PCDH15: variants seen among roughly 807,000 people sequenced by gnomAD.
PCDH15 encodes protocadherin related 15.
PCDH15 carries 129 observed loss-of-function variants against 178.5 expected under a neutral mutation model. That is an observed-to-expected ratio of 0.72 (90% CI 0.63 to 0.84). The LOEUF is 0.84. Among genes scored for constraint, PCDH15 ranks in the 40% least tolerant of loss-of-function variants. PCDH15 has a pLI of 0.00. For synonymous variants in PCDH15, 800 were observed against 732.0 expected, an observed-to-expected ratio of 1.09 and a Z score of -1.50; for missense variants, 2,230 against 2,099.9, an observed-to-expected ratio of 1.06 and a Z score of -1.21.
chr10:54,528,898 C>A (rs1003990188), intron 2 of PCDH15, among the ~76,000 whole-genome samples: 4 of 151,904 alleles, frequency 2.6e-5, no homozygotes, highest in African/African-American at 9.7e-5. Flanking sequence ...ACTTTGCCTG[C>A]AGGATGTCAA....
chr10:55,008,253 A>G (rs916522016), intron 2 of PCDH15, among the ~76,000 whole-genome samples: 19 of 42,084 alleles, frequency 4.5e-4, no homozygotes, highest in African/African-American at 1.1e-3. Flanking sequence ...TAAATCTTTG[A>G]AAAAAAAAAC....
At chr10:54,362,761 G>A (rs929351378) in intron 5 of PCDH15, among the ~76,000 whole-genome samples, 2 of 150,712 alleles carry the variant, frequency 1.3e-5, no homozygotes, top group African/African-American at 4.9e-5. Flanking sequence ...TGAAAAGTAG[G>A]GTAAAAAAAT....
intron 1 of PCDH15, among the ~76,000 whole-genome samples, chr10:54,703,302 C>T (rs2095331696): frequency 6.6e-6 from 1 of 152,000 alleles, no homozygotes; most frequent in African/African-American, 2.4e-5. Context: ...GAAGTGTCCC[C>T]TGCTGAGAAC....
intron 23 of PCDH15, among the ~76,000 whole-genome samples, chr10:53,942,740 G>GACCGTAGCCCTGGATGAC (rs2086180906): frequency 6.6e-6 from 1 of 152,056 alleles, no homozygotes; most frequent in African/African-American, 2.4e-5. Flanking sequence ...CCTCAGATGA[G>GACCGTAGCCCTGGATGAC]ACCGTAGCCC....
chr10:55,147,822 C>T (rs1838572539), intron 2 of PCDH15, among the ~76,000 whole-genome samples: 1 of 151,334 alleles, frequency 6.6e-6, no homozygotes, highest in African/African-American at 2.4e-5. Flanking sequence ...TCCTCCTTCT[C>T]CTCTTCCTCC....
At chr10:53,841,342 G>A (rs558181889) in intron 28 of PCDH15, among the ~76,000 whole-genome samples, 11 of 152,014 alleles carry the variant, frequency 7.2e-5, no homozygotes, top group African/African-American at 1.9e-4. Context: ...TCTAAAATTC[G>A]TAGACTCAAT....
At chr10:55,148,976 G>A (rs536112322) in intron 2 of PCDH15, among the ~76,000 whole-genome samples, 1 of 151,144 alleles carries the variant, frequency 6.6e-6, no homozygotes, top group South Asian at 2.1e-4. Context: ...TAAAACTTAG[G>A]GGAACTTGCC....
rs1038080672 is a variant in PCDH15, at chr10:54,367,135, T to C, written c.474+1985A>G. Among the ~76,000 whole-genome samples the C allele has an allele frequency of 7.2e-5, 11 of 152,196 alleles. No individual in the cohort carries two copies. In the South Asian group the frequency reaches 2.3e-3, roughly 32 times the overall value. Reference sequence around the variant, plus strand: ...CTTATTCTAGGCAAAATGAACAGTGTGAGCAAAGGCTAAGAAAGGGAGATA... The same window carrying C: ...CTTATTCTAGGCAAAATGAACAGTGCGAGCAAAGGCTAAGAAAGGGAGATA... On this transcript the variant is annotated intron_variant, in intron 5 of 37. Transcript: ENST00000644397.
At chr10:55,174,255 A>G (rs1839418337) in intron 1 of PCDH15, among the ~76,000 whole-genome samples, 1 of 152,152 alleles carries the variant, frequency 6.6e-6, no homozygotes, top group African/African-American at 2.4e-5. Flanking sequence ...GCAAATTCCT[A>G]GGCAGAAAGG....
At chr10:54,943,493 G>T (rs893237957) in intron 2 of PCDH15, among the ~76,000 whole-genome samples, 3 of 151,832 alleles carry the variant, frequency 2.0e-5, no homozygotes, top group Admixed American at 6.6e-5. Flanking sequence ...ATTTGCCCCT[G>T]GTGCAGTAAA....
chr10:53,870,866 A>T (rs1296235571), intron 26 of PCDH15, among the ~76,000 whole-genome samples: 4 of 152,164 alleles, frequency 2.6e-5, no homozygotes, highest in Non-Finnish European at 4.4e-5. Flanking sequence ...CAATAATAAA[A>T]TTCAGAGCGC....
At chr10:55,403,090 G>A (rs530100953) in intron 2 of PCDH15, among the ~76,000 whole-genome samples, 6 of 151,888 alleles carry the variant, frequency 4.0e-5, no homozygotes, top group Middle Eastern at 3.4e-3. Flanking sequence ...GACTGTTAAC[G>A]GATTGAATGT....
At chr10:53,809,220 AC>A in intron 37 of PCDH15, 2 of 1,613,718 alleles carry the variant, frequency 1.2e-6, no homozygotes, top group Non-Finnish European at 1.7e-6. Context: ...ACTCTTCTTC[AC>A]TGTATTCAGT....
chr10:54,254,783 G>A (rs1364889817), intron 8 of PCDH15, among the ~76,000 whole-genome samples: 2 of 152,172 alleles, frequency 1.3e-5, no homozygotes, highest in Non-Finnish European at 2.9e-5. Context: ...TGATAACTCT[G>A]GATGCTGATG....
At chr10:55,243,694 A>G (rs1185087218) in intron 1 of PCDH15, among the ~76,000 whole-genome samples, 2 of 152,222 alleles carry the variant, frequency 1.3e-5, no homozygotes, top group African/African-American at 4.8e-5. Context: ...GACAATAATA[A>G]TCAACATTCT....
intron 26 of PCDH15, among the ~76,000 whole-genome samples, chr10:53,892,002 G>T (rs952100436): frequency 6.9e-6 from 1 of 144,692 alleles, no homozygotes; most frequent in Non-Finnish European, 1.5e-5. Context: ...CCAGTTATCA[G>T]AGCAGCTTTA....
intron 2 of PCDH15, among the ~76,000 whole-genome samples, chr10:55,615,032 A>C (rs1843446293): frequency 6.6e-6 from 1 of 152,194 alleles, no homozygotes. Context: ...AATGGTCATT[A>C]GATATTGGGT....
At chr10:54,596,924 C>T (rs942139857) in intron 2 of PCDH15, among the ~76,000 whole-genome samples, 1 of 152,140 alleles carries the variant, frequency 6.6e-6, no homozygotes, top group African/African-American at 2.4e-5. Flanking sequence ...GCACCTAACA[C>T]AGAAACATTC....
chr10:55,452,306 C>T (rs1022623809), intron 2 of PCDH15, among the ~76,000 whole-genome samples: 1 of 152,048 alleles, frequency 6.6e-6, no homozygotes, highest in Non-Finnish European at 1.5e-5. Context: ...CATGTTTGGC[C>T]TGCACGTTAC....
Sources: allele counts gnomAD v4.1 joint callset (sites outside exome capture counted in the v4.1 genomes callset), GRCh38; gene constraint gnomAD v4.1.1; transcripts MANE v1.5; gene names NCBI Gene and HGNC (gene_info 2026-07-23, HGNC 2026-07-21).